PDE11A: variants seen among roughly 807,000 people sequenced by gnomAD.
PDE11A encodes dual 3',5'-cyclic-AMP and -GMP phosphodiesterase 11A.
PDE11A carries 100 observed loss-of-function variants against 100.5 expected under a neutral mutation model. The observed-to-expected ratio is 1.00, with a 90% CI of 0.85 to 1.18. The LOEUF (loss-of-function observed/expected upper bound fraction) is 1.18. Ranked by LOEUF, PDE11A falls within the 50% of genes most tolerant of loss-of-function variation. The probability of loss-of-function intolerance (pLI) is 0.00; values close to 1 mark genes in which losing one functional copy is unlikely to be tolerated. For missense variants in PDE11A, 1,141 were observed against 1,152.6 expected (o/e 0.99, Z 0.15); for synonymous variants, 381 against 420.8 (o/e 0.91, Z 1.16).
intron 9 of PDE11A, among the ~76,000 whole-genome samples, chr2:177,792,056 T>C (rs985237949): frequency 1.8e-4 from 28 of 152,224 alleles, no homozygotes; most frequent in African/African-American, 5.5e-4. Flanking sequence ...TATGGCTCTA[T>C]ACATATGCAT....
chr2:177,816,334 T>C (rs1012177250), intron 9 of PDE11A, among the ~76,000 whole-genome samples: 1 of 152,170 alleles, frequency 6.6e-6, no homozygotes, highest in African/African-American at 2.4e-5. Flanking sequence ...AGAGGACATA[T>C]GTGCAGACAT....
chr2:178,105,199 T>C (rs1431406168), intron 1 of PDE11A, among the ~76,000 whole-genome samples: 4 of 152,266 alleles, frequency 2.6e-5, no homozygotes, highest in South Asian at 2.1e-4. Context: ...CGGTGGCTCA[T>C]GTCTGTAATC....
chr2:177,973,219 AGT>A (rs1293789328), intron 2 of PDE11A, among the ~76,000 whole-genome samples: 1 of 138,864 alleles, frequency 7.2e-6, no homozygotes, highest in Non-Finnish European at 1.5e-5. Context: ...GGCGCAGGCC[AGT>A]GTGTGTGCGC....
chr2:177,928,778 G>T (rs977131352), intron 2 of PDE11A, among the ~76,000 whole-genome samples: 8 of 151,988 alleles, frequency 5.3e-5, no homozygotes, highest in African/African-American at 1.7e-4. Context: ...TGGGAGGATC[G>T]CTTGGGTGTG....
chr2:178,010,825 G>T (rs1005556921), intron 2 of PDE11A, among the ~76,000 whole-genome samples: 1 of 152,128 alleles, frequency 6.6e-6, no homozygotes, highest in Non-Finnish European at 1.5e-5. Flanking sequence ...TACATATAAG[G>T]ATAACCTTGT....
At chr2:178,015,097 A>G (rs1275465548) in intron 1 of PDE11A, among the ~76,000 whole-genome samples, 1 of 152,222 alleles carries the variant, frequency 6.6e-6, no homozygotes, top group Non-Finnish European at 1.5e-5. Context: ...TTTAACTTAA[A>G]CAGTATAGTC....
intron 2 of PDE11A, among the ~76,000 whole-genome samples, chr2:177,961,153 T>C (rs2085627501): frequency 6.6e-6 from 1 of 152,112 alleles, no homozygotes; most frequent in South Asian, 2.1e-4. Context: ...GTAATTTTCC[T>C]CTCTCCAGTT....
In PDE11A at chr2:178,072,165, C is replaced by G; in HGVS notation, c.273G>C (p.Gly91=). 1 of 1,613,954 alleles carries G rather than the reference C, an allele frequency of 6.2e-7. No individual in the cohort carries two copies. Among genetic ancestry groups the G allele is most frequent in the Non-Finnish European group, 8.5e-7 (1 of 1,179,904 alleles). ...SAHSQPLPGG[G]DCGGVPLSPS... ...GACTCAAGGGAACCCCACCACAGTC[C>G]CCGCCACCGGGAAGGGGCTGGCTGT... Residue 91 remains glycine, a synonymous_variant, in exon 1 of 20, where the codon GGG becomes GGC. Transcript: ENST00000286063.
In PDE11A at chr2:177,693,755, T is replaced by A. The variant is rs564642003; in HGVS notation, c.2345+3577A>T. Among the ~76,000 whole-genome samples, 47 of 152,312 alleles carry A rather than the reference T, an allele frequency of 3.1e-4. 1 individual carries two copies. In the South Asian group the frequency reaches 9.5e-3, roughly 31 times the overall value. On this transcript the variant is annotated intron_variant, in intron 15 of 19. Transcript: ENST00000286063. ...AAAGCCCTGAAAGAGGAGGTGTGGG[T>A]TCCAGTTTTACCAATAATGAGTTAT...
chr2:177,655,434 T>G (rs2080366273), intron 19 of PDE11A, among the ~76,000 whole-genome samples: 1 of 152,204 alleles, frequency 6.6e-6, no homozygotes, highest in South Asian at 2.1e-4. Context: ...CCAATTATCA[T>G]GCATAATGTT....
At chr2:177,705,124 G>A (rs2081259776) in intron 13 of PDE11A, among the ~76,000 whole-genome samples, 1 of 152,090 alleles carries the variant, frequency 6.6e-6, no homozygotes. Context: ...ATAGGCATGA[G>A]CCACTGTGCC....
rs60062998 is a variant in PDE11A, at chr2:177,658,719, CT to C, written c.2646+5146del. 3.3e-3 allele frequency among the ~76,000 whole-genome samples: 461 copies of C among 141,504 alleles called. 3 individuals are homozygous for C. The highest frequency in any genetic ancestry group is 9.5e-3 in the African/African-American group (364 of 38,172). 92.8% of individuals were successfully genotyped at this position (141,504 alleles called of 152,430 possible). A position where few individuals can be genotyped will look rare whatever the true frequency, so the allele number is the denominator to read the frequency against. ...GGAAACTAACTGATTTGAGTGGTGT[CT>C]TTTTTTTTTTTTTTAATATCTGATG... On this transcript the variant is annotated intron_variant, in intron 19 of 19. Transcript: ENST00000286063.
intron 1 of PDE11A, among the ~76,000 whole-genome samples, chr2:178,032,158 C>A (rs978196547): frequency 6.6e-6 from 1 of 151,982 alleles, no homozygotes; most frequent in Non-Finnish European, 1.5e-5. Flanking sequence ...ATATCCTACA[C>A]CCTAACACAA....
chr2:177,680,402 C>T (rs1480626278), intron 16 of PDE11A, among the ~76,000 whole-genome samples: 7 of 152,128 alleles, frequency 4.6e-5, no homozygotes, highest in African/African-American at 1.7e-4. Context: ...ATCTCCACCT[C>T]CAATATTGTT....
chr2:177,838,495 C>G (rs183933921), intron 6 of PDE11A, among the ~76,000 whole-genome samples: 1 of 152,108 alleles, frequency 6.6e-6, no homozygotes, highest in Non-Finnish European at 1.5e-5. Context: ...CGTTCCTTCT[C>G]CAAAGAGGTA....
At chr2:178,078,902 T>C (rs988329613) in intron 2 of PDE11A, among the ~76,000 whole-genome samples, 9 of 152,184 alleles carry the variant, frequency 5.9e-5, no homozygotes, top group African/African-American at 2.2e-4. Context: ...AAGGAACATG[T>C]ACAGTATAGC....
chr2:177,675,025 C>A (rs1003186765), intron 17 of PDE11A, among the ~76,000 whole-genome samples: 1 of 151,860 alleles, frequency 6.6e-6, no homozygotes, highest in East Asian at 1.9e-4. Context: ...ATATTTTGAC[C>A]ACAGAGGTTT....
intron 1 of PDE11A, among the ~76,000 whole-genome samples, chr2:178,036,994 A>G (rs1201756561): frequency 6.6e-6 from 1 of 152,226 alleles, no homozygotes; most frequent in Admixed American, 6.5e-5. Context: ...ACCAAAAGCA[A>G]TTGCAACAAA....
At chr2:177,790,027 T>C (rs563542185) in intron 9 of PDE11A, among the ~76,000 whole-genome samples, 16 of 152,026 alleles carry the variant, frequency 1.1e-4, no homozygotes, top group African/African-American at 3.6e-4. Context: ...TTCACAGAAT[T>C]GGAAAAAACT....
Sources: allele counts gnomAD v4.1 joint callset (sites outside exome capture counted in the v4.1 genomes callset), GRCh38; gene constraint gnomAD v4.1.1; transcripts MANE v1.5; gene names NCBI Gene and HGNC (gene_info 2026-07-23, HGNC 2026-07-21).